Variants in RSU1 observed in about 807,000 individuals in gnomAD.
The protein encoded by RSU1 is Ras suppressor protein 1.
In RSU1, 26 loss-of-function variants were observed where a neutral mutation model predicts 31.1. That is an observed-to-expected ratio of 0.84 (90% CI 0.61 to 1.16). RSU1 has a LOEUF of 1.16. Ranked by LOEUF, RSU1 falls within the 50% of genes most tolerant of loss-of-function variation. The pLI is 0.00. For synonymous variants in RSU1, 164 were observed against 136.3 expected (o/e 1.20, Z -1.41); for missense variants, 320 against 339.1 (o/e 0.94, Z 0.44).
intron 2 of RSU1, among the ~76,000 whole-genome samples, chr10:16,791,358 G>A (rs111656911): frequency 0.22 from 33,534 of 152,084 alleles, 3,836 homozygotes; most frequent in African/African-American, 0.26. Context: ...AACTGGGCAG[G>A]TGTGGTGGCT....
rs192122912 is a variant in RSU1, at chr10:16,739,436, T to A, written c.598+13103A>T. On this transcript the variant is annotated intron_variant, in intron 7 of 8. Transcript: ENST00000345264. ...GTGTGAGATGGTATCTCATTGTGGTTTTGATTTGCAAGAAATGTACATTTT... is the reference window on the plus strand; with the variant it reads ...GTGTGAGATGGTATCTCATTGTGGTATTGATTTGCAAGAAATGTACATTTT... Among the ~76,000 whole-genome samples, 28 of 151,928 alleles carry A rather than the reference T, an allele frequency of 1.8e-4. No individual in the cohort carries two copies. In the East Asian group the frequency reaches 5.0e-3, roughly 27 times the overall value.
chr10:16,676,721 G>A (rs1258828535), intron 8 of RSU1, among the ~76,000 whole-genome samples: 1 of 152,132 alleles, frequency 6.6e-6, no homozygotes, highest in African/African-American at 2.4e-5. Flanking sequence ...GTTCAGATAT[G>A]GTGCCTTTCA....
rs187358097 is a variant in RSU1, at chr10:16,753,173, T to C, written c.401-173A>G. ...GGTCAAACTTAGATTTACTGGCTTA[T>C]TGTGTAGCTGGTGTGTCCAGGAAAA... On this transcript the variant is annotated intron_variant, in intron 5 of 8. Transcript: ENST00000345264. 2.7e-4 allele frequency among the ~76,000 whole-genome samples: 41 copies of C among 152,300 alleles called. 1 individual carries two copies. Among genetic ancestry groups the C allele is most frequent in the African/African-American group, 9.1e-4 (38 of 41,562 alleles).
intron 8 of RSU1, among the ~76,000 whole-genome samples, chr10:16,657,404 GA>G (rs1452240660): frequency 1.3e-5 from 2 of 151,794 alleles, no homozygotes; most frequent in African/African-American, 4.8e-5. Context: ...ACTAAATACT[GA>G]AAGTTATTTG....
chr10:16,717,972 A>G (rs1358950237), intron 7 of RSU1, among the ~76,000 whole-genome samples: 1 of 152,160 alleles, frequency 6.6e-6, no homozygotes, highest in Non-Finnish European at 1.5e-5. Flanking sequence ...TAAAAATATG[A>G]AATACTGTCA....
intron 8 of RSU1, among the ~76,000 whole-genome samples, chr10:16,617,561 G>T (rs1833998733): frequency 6.6e-6 from 1 of 152,164 alleles, no homozygotes; most frequent in African/African-American, 2.4e-5. Flanking sequence ...AAAGCTGGAG[G>T]CATCATGCTA....
chr10:16,693,473 A>C (rs1347661052), intron 8 of RSU1, among the ~76,000 whole-genome samples: 1 of 151,190 alleles, frequency 6.6e-6, no homozygotes, highest in East Asian at 1.9e-4. Flanking sequence ...CATATTTCTG[A>C]TACCAAAAAA....
chr10:16,597,762 C>T (rs990446835), intron 8 of RSU1, among the ~76,000 whole-genome samples: 5 of 152,184 alleles, frequency 3.3e-5, no homozygotes, highest in Admixed American at 2.0e-4. Flanking sequence ...CCCCAAACAC[C>T]TCTGGAACAA....
chr10:16,714,277 A>G (rs1836084307), intron 7 of RSU1, among the ~76,000 whole-genome samples: 1 of 152,166 alleles, frequency 6.6e-6, no homozygotes, highest in Admixed American at 6.5e-5. Context: ...GTGGCCCTGT[A>G]GGAGTCTGTC....
chr10:16,766,982 T>G, intron 3 of RSU1, among the ~76,000 whole-genome samples: 1 of 151,102 alleles, frequency 6.6e-6, no homozygotes, highest in Non-Finnish European at 1.5e-5. Context: ...GATCAAGCCA[T>G]TACACTCCAG....
At chr10:16,723,987 C>G (rs1836333347) in intron 7 of RSU1, among the ~76,000 whole-genome samples, 1 of 152,182 alleles carries the variant, frequency 6.6e-6, no homozygotes, top group Non-Finnish European at 1.5e-5. Flanking sequence ...GTTGCCCAGG[C>G]TGGAGTGCAG....
At chr10:16,711,474 CA>C (rs1235288689) in intron 7 of RSU1, among the ~76,000 whole-genome samples, 1 of 152,128 alleles carries the variant, frequency 6.6e-6, no homozygotes, top group Non-Finnish European at 1.5e-5. Flanking sequence ...TGTGGTACGT[CA>C]TTAGGTTGTT....
Position 16,786,986 on chromosome 10 carries a change from C to T in RSU1, c.110-4902G>A, listed in dbSNP as rs116697341. On this transcript the variant is annotated intron_variant, in intron 2 of 8. Transcript: ENST00000345264. ...GCTTGCTTGAACATTCAGGGAGGTG[C>T]GGATCGGATCGATGCCTTACACCTG... Among the ~76,000 whole-genome samples, 579 of 152,202 alleles carry T rather than the reference C, an allele frequency of 3.8e-3. 4 individuals carry two copies. The highest frequency in any genetic ancestry group is 0.014 in the African/African-American group (563 of 41,522).
At chr10:16,740,433 T>C (rs1202735565) in intron 7 of RSU1, among the ~76,000 whole-genome samples, 1 of 152,196 alleles carries the variant, frequency 6.6e-6, no homozygotes, top group African/African-American at 2.4e-5. Flanking sequence ...CCCCTTAAGA[T>C]TTAAGACAAG....
intron 7 of RSU1, among the ~76,000 whole-genome samples, chr10:16,717,803 AG>A (rs1226955950): frequency 6.6e-6 from 1 of 152,186 alleles, no homozygotes; most frequent in Non-Finnish European, 1.5e-5. Context: ...CCGCCTCTCA[AG>A]GATCTACTTA....
chr10:16,611,400 T>C (rs924689239), intron 8 of RSU1, among the ~76,000 whole-genome samples: 2 of 152,220 alleles, frequency 1.3e-5, no homozygotes, highest in Non-Finnish European at 2.9e-5. Context: ...ATTTTTTAAC[T>C]TCCCCATTCT....
At chr10:16,644,073 G>A (rs1834492679) in intron 8 of RSU1, among the ~76,000 whole-genome samples, 1 of 151,574 alleles carries the variant, frequency 6.6e-6, no homozygotes. Flanking sequence ...AGCATCTGCA[G>A]ATTTTGGTAT....
At chr10:16,678,245 C>T (rs538699493) in intron 8 of RSU1, among the ~76,000 whole-genome samples, 1 of 152,140 alleles carries the variant, frequency 6.6e-6, no homozygotes. Context: ...TCATGAATGA[C>T]CATCTTTTCT....
chr10:16,801,219 A>G (rs78070473), intron 2 of RSU1, among the ~76,000 whole-genome samples: 7,883 of 152,206 alleles, frequency 0.052, 248 homozygotes, highest in African/African-American at 0.094. Context: ...TAAACGCTAA[A>G]CAAAAAAAGC....
Sources: allele counts gnomAD v4.1 joint callset (sites outside exome capture counted in the v4.1 genomes callset), GRCh38; gene constraint gnomAD v4.1.1; transcripts MANE v1.5; gene names NCBI Gene and HGNC (gene_info 2026-07-23, HGNC 2026-07-21).